The following LOC128462377 variants were observed in gnomAD, a reference collection of about 807,000 sequenced individuals.
chr16:89,361,795 A>G, the LOC128462377 span: 1 of 152,282 alleles, frequency 6.6e-6, no homozygotes, highest in Non-Finnish European at 1.5e-5. Context: ...CAAAGTAAAA[A>G]GATTTAAGCT....
At chr16:89,355,223 A>G in the LOC128462377 span, among the ~76,000 whole-genome samples, 1 of 151,984 alleles carries the variant, frequency 6.6e-6, no homozygotes, top group Admixed American at 6.6e-5. Context: ...CAGAGGGCTC[A>G]CGGAGGGAGG....
At chr16:89,417,206 G>C in the LOC128462377 span, among the ~76,000 whole-genome samples, 2 of 152,192 alleles carry the variant, frequency 1.3e-5, no homozygotes, top group African/African-American at 4.8e-5. Context: ...ACTGAGATAA[G>C]GAACAGATAC....
At chr16:89,409,048 G>A in the LOC128462377 span, among the ~76,000 whole-genome samples, 1 of 152,190 alleles carries the variant, frequency 6.6e-6, no homozygotes, top group Non-Finnish European at 1.5e-5. Flanking sequence ...AGAGAATTCA[G>A]AAAAGCCACC....
chr16:89,346,210 G>A, the LOC128462377 span, among the ~76,000 whole-genome samples: 4 of 148,052 alleles, frequency 2.7e-5, no homozygotes, highest in Non-Finnish European at 4.5e-5. Flanking sequence ...ATCACGCCAC[G>A]GCACTCCAGC....
chr16:89,378,604 T>C, the LOC128462377 span, among the ~76,000 whole-genome samples: 1 of 152,192 alleles, frequency 6.6e-6, no homozygotes, highest in Non-Finnish European at 1.5e-5. Flanking sequence ...CTGGCCAGCA[T>C]GACTAGCAAG....
the LOC128462377 span, among the ~76,000 whole-genome samples, chr16:89,358,217 C>A: frequency 6.6e-6 from 1 of 152,234 alleles, no homozygotes; most frequent in Non-Finnish European, 1.5e-5. Context: ...CCCCACACCT[C>A]ACTCTGGCAT....
chr16:89,317,534 C>T, the LOC128462377 span, among the ~76,000 whole-genome samples: 2 of 152,174 alleles, frequency 1.3e-5, no homozygotes, highest in Non-Finnish European at 2.9e-5. Flanking sequence ...CCCAGCCTCA[C>T]GCCCCACTCA....
chr16:89,325,872 A>G, the LOC128462377 span, among the ~76,000 whole-genome samples: 1 of 152,190 alleles, frequency 6.6e-6, no homozygotes. Flanking sequence ...GGAGGGCCCC[A>G]TCGCCCTGCT....
the LOC128462377 span, among the ~76,000 whole-genome samples, chr16:89,341,461 A>G: frequency 6.6e-6 from 1 of 152,230 alleles, no homozygotes; most frequent in South Asian, 2.1e-4. Flanking sequence ...AAGGTTCCAG[A>G]AGGCCTGTGT....
the LOC128462377 span, among the ~76,000 whole-genome samples, chr16:89,335,174 A>G: frequency 1.1e-4 from 16 of 152,206 alleles, no homozygotes; most frequent in Non-Finnish European, 2.1e-4. Flanking sequence ...TGGAAAGCAC[A>G]GGAAGTGAGC....
chr16:89,385,483 C>G, the LOC128462377 span, among the ~76,000 whole-genome samples: 2 of 152,088 alleles, frequency 1.3e-5, no homozygotes, highest in South Asian at 4.2e-4. Context: ...AAGCCAGCAC[C>G]GGGCAGAGGG....
chr16:89,367,537 C>A, the LOC128462377 span, among the ~76,000 whole-genome samples: 1 of 152,244 alleles, frequency 6.6e-6, no homozygotes, highest in African/African-American at 2.4e-5. Flanking sequence ...ACGGCACACA[C>A]CAGTCCCTGC....
chr16:89,408,569 G>A, the LOC128462377 span, among the ~76,000 whole-genome samples: 1,627 of 152,244 alleles, frequency 0.011, 36 homozygotes, highest in African/African-American at 0.036. Context: ...GCTGACGAGC[G>A]TGAGCACTGC....
the LOC128462377 span, among the ~76,000 whole-genome samples, chr16:89,386,510 TG>T: frequency 6.6e-6 from 1 of 151,934 alleles, no homozygotes; most frequent in East Asian, 1.9e-4. Flanking sequence ...CATGAGGGTG[TG>T]GGGGAAAGGG....
chr16:89,318,355 C>T, the LOC128462377 span, among the ~76,000 whole-genome samples: 2 of 152,360 alleles, frequency 1.3e-5, no homozygotes, highest in East Asian at 3.9e-4. Context: ...CACCCAAAGC[C>T]ACTGTCCCCC....
chr16:89,382,320 A>AAT, the LOC128462377 span, among the ~76,000 whole-genome samples: 28 of 68,944 alleles, frequency 4.1e-4, no homozygotes, highest in Admixed American at 1.3e-3. Flanking sequence ...GAAGTCTAGA[A>AAT]ATATATATAT....
chr16:89,332,307 G>A, the LOC128462377 span, among the ~76,000 whole-genome samples: 2 of 152,130 alleles, frequency 1.3e-5, no homozygotes, highest in East Asian at 1.9e-4. Flanking sequence ...CCTGGTGAAC[G>A]CTCTTCAGCT....
chr16:89,385,075 G>A, the LOC128462377 span, among the ~76,000 whole-genome samples: 13 of 151,558 alleles, frequency 8.6e-5, no homozygotes, highest in African/African-American at 2.9e-4. Context: ...TAGTAGAGAC[G>A]ATATTTCACC....
chr16:89,385,111 C>A, the LOC128462377 span, among the ~76,000 whole-genome samples: 1 of 151,878 alleles, frequency 6.6e-6, no homozygotes, highest in East Asian at 1.9e-4. Context: ...GTCTTGAACT[C>A]TTGACCTCAG....
Sources: gnomAD v4.1 joint callset for allele counts (sites outside exome capture counted in the v4.1 genomes callset) on GRCh38, gnomAD v4.1.1 for gene constraint, MANE v1.5 for transcripts.